The following AXDND1 variants were observed in gnomAD, a reference collection of about 807,000 sequenced individuals.
AXDND1 encodes the protein axonemal dynein light chain domain-containing protein 1.
AXDND1 carries 110 observed loss-of-function variants against 137.5 expected under a neutral mutation model. The observed-to-expected ratio is 0.80, with a 90% CI of 0.69 to 0.94. The LOEUF (loss-of-function observed/expected upper bound fraction) is 0.94. Ranked by LOEUF, AXDND1 falls within the 40% of genes least tolerant of loss-of-function variation. The pLI is 0.00. For missense variants in AXDND1, 1,191 were observed against 1,169.8 expected (o/e 1.02, Z -0.26); for synonymous variants, 414 against 399.7 (o/e 1.04, Z -0.43).
At chr1:179,420,294 A>G (rs1224735512) in intron 12 of AXDND1, among the ~76,000 whole-genome samples, 3 of 152,180 alleles carry the variant, frequency 2.0e-5, no homozygotes, top group Non-Finnish European at 4.4e-5. Context: ...GATGAATCCC[A>G]CTTGATCATG....
At chr1:179,492,819 C>G (rs752084489) in intron 19 of AXDND1, 36 bp from the exon 20 acceptor site, 1 of 1,413,258 alleles carries the variant, frequency 7.1e-7, no homozygotes, top group Non-Finnish European at 9.8e-7. Flanking sequence ...TGTGTATTTG[C>G]TCTTTTTCTT....
chr1:179,516,689 T>G (rs1033072158), intron 21 of AXDND1, among the ~76,000 whole-genome samples: 1 of 152,184 alleles, frequency 6.6e-6, no homozygotes, highest in Non-Finnish European at 1.5e-5. Flanking sequence ...TGGATGTGGC[T>G]TCCTATGAGC....
intron 24 of AXDND1, 138 bp from the exon 25 acceptor site, chr1:179,534,592 A>AT: frequency 1.8e-6 from 2 of 1,128,248 alleles, no homozygotes; most frequent in Non-Finnish European, 2.4e-6. Context: ...TCAGTTAATC[A>AT]TTGATGCTGT....
intron 21 of AXDND1, among the ~76,000 whole-genome samples, chr1:179,514,106 G>A (rs1669294192): frequency 6.6e-6 from 1 of 151,626 alleles, no homozygotes; most frequent in African/African-American, 2.4e-5. Flanking sequence ...CCTTTCTTCT[G>A]CTGGGTTTGG....
chr1:179,464,583 A>T (rs1385839619), intron 16 of AXDND1, among the ~76,000 whole-genome samples: 1 of 151,974 alleles, frequency 6.6e-6, no homozygotes, highest in African/African-American at 2.4e-5. Context: ...GAATCTGACA[A>T]TTATGTGTTT....
At chr1:179,523,038 G>A (rs1370856240) in intron 21 of AXDND1, among the ~76,000 whole-genome samples, 1 of 151,662 alleles carries the variant, frequency 6.6e-6, no homozygotes, top group Non-Finnish European at 1.5e-5. Context: ...ATCTATATGA[G>A]TAGACTCCTT....
At chr1:179,464,198 T>C (rs1662789582) in intron 16 of AXDND1, among the ~76,000 whole-genome samples, 1 of 152,268 alleles carries the variant, frequency 6.6e-6, no homozygotes, top group Admixed American at 6.5e-5. Flanking sequence ...TGATGCAGTT[T>C]CTTCCTAGCA....
chr1:179,548,473 T>G (rs918823521), intron 25 of AXDND1, among the ~76,000 whole-genome samples: 4 of 152,190 alleles, frequency 2.6e-5, no homozygotes, highest in Admixed American at 6.5e-5. Context: ...GCTATAGTGC[T>G]GTAATATCTT....
In AXDND1 at chr1:179,468,627, T is replaced by G. The variant is rs892708511; in HGVS notation, c.1983T>G (p.Asp661Glu). The G allele has an allele frequency of 6.3e-7, 1 of 1,597,128 alleles. No homozygotes were observed. Among genetic ancestry groups the G allele is most frequent in the Non-Finnish European group, 8.5e-7 (1 of 1,174,386 alleles). Residue 661 changes from aspartate to glutamate, a missense_variant, in exon 17 of 26, where the codon GAT becomes GAG. Physicochemically the swap from Asp to Glu is conservative, Grantham distance 45. Transcript: ENST00000367618. The part of the protein sequence containing the change: ...NLTGIVPQHI[D>E]VDSVSVLQAY... ...CTGGTATTGTTCCACAGCACATAGATGTGGATTCTGTTTCGTAAGTTCCCA... is the reference window on the plus strand; with the variant it reads ...CTGGTATTGTTCCACAGCACATAGAGGTGGATTCTGTTTCGTAAGTTCCCA...
chr1:179,551,620 A>C, intron 25 of AXDND1: 2 of 708,538 alleles, frequency 2.8e-6, no homozygotes, highest in Non-Finnish European at 4.7e-6. Flanking sequence ...CTGGGGAGAC[A>C]GATTAAACTG....
At chr1:179,551,585 A>G in intron 25 of AXDND1, 3 of 1,021,324 alleles carry the variant, frequency 2.9e-6, no homozygotes, top group Admixed American at 2.0e-5. Context: ...GAACATGTTT[A>G]TTCTTCTTTC....
At chr1:179,447,561 T>TATAAAATACATG in intron 16 of AXDND1, 1 of 896,852 alleles carries the variant, frequency 1.1e-6, no homozygotes, top group Non-Finnish European at 1.7e-6. Context: ...AAAATACATG[T>TATAAAATACATG]TTTAAAGAAT....
At chr1:179,448,004 C>T (rs1316790764) in intron 16 of AXDND1, 18 of 1,411,072 alleles carry the variant, frequency 1.3e-5, no homozygotes, top group Non-Finnish European at 1.8e-5. Context: ...TAGGACAAAG[C>T]ATTGGGGCTT....
intron 4 of AXDND1, among the ~76,000 whole-genome samples, chr1:179,373,668 C>T (rs1668274217): frequency 6.6e-6 from 1 of 152,116 alleles, no homozygotes. Flanking sequence ...TCCGAAATAA[C>T]ACCACACATT....
chr1:179,394,140 C>A (rs16854064), intron 10 of AXDND1, 97 bp downstream of exon 10: 123,566 of 1,238,384 alleles, frequency 0.1, 6,836 homozygotes, highest in African/African-American at 0.15. Context: ...GGTTAAAGGC[C>A]AAGGTTCTTC....
At position 179,366,404 on chromosome 1, in the gene AXDND1, G is replaced by C; in HGVS notation, c.-106G>C. ...TAAATCTTTTTTCCTCTGCCTGCAG[G>C]ACTATGTGGCAGCCTGCAAGTCCCA... On this transcript the variant is annotated splice_region_variant and 5_prime_UTR_variant, in exon 2 of 26. Coordinates refer to ENST00000367618, the MANE Select transcript of AXDND1 (RefSeq NM_144696.6). The C allele has an allele frequency of 1.3e-6, 1 of 789,410 alleles. No homozygotes were observed. The allele number at this position is 789,410 out of a possible 1,614,324, so 48.9% of individuals were successfully genotyped here.
chr1:179,475,211 C>A (rs890420637), intron 17 of AXDND1, among the ~76,000 whole-genome samples: 24 of 152,228 alleles, frequency 1.6e-4, no homozygotes, highest in African/African-American at 4.8e-4. Flanking sequence ...GTATTTGGAG[C>A]CCCCACACAG....
chr1:179,486,545 G>T (rs1666109432), intron 18 of AXDND1, among the ~76,000 whole-genome samples: 1 of 126,930 alleles, frequency 7.9e-6, no homozygotes, highest in South Asian at 2.2e-4. Context: ...CTCCAAGGTT[G>T]AAATGAAAGA....
Position 179,528,429 on chromosome 1 carries a change from T to G in AXDND1, c.2713T>G (p.Trp905Gly). ...ATTTGAAACAGATGTGTTGTCTTCC[T>G]GGGTATGTATCTGAAACCCAGCTAG... ...PLFETDVLSS[W>G]RESAKQGTLA... Residue 905 changes from tryptophan to glycine, a missense_variant and splice_region_variant, in exon 23 of 26, where the codon TGG becomes GGG. Coordinates refer to ENST00000367618, the MANE Select transcript of AXDND1 (RefSeq NM_144696.6). The G allele has an allele frequency of 6.2e-7, 1 of 1,606,172 alleles. No homozygotes were observed. The highest frequency in any genetic ancestry group is 8.5e-7 in the Non-Finnish European group (1 of 1,172,796).
Sources: allele counts gnomAD v4.1 joint callset (sites outside exome capture counted in the v4.1 genomes callset), GRCh38; gene constraint gnomAD v4.1.1; transcripts MANE v1.5; gene names NCBI Gene and HGNC (gene_info 2026-07-23, HGNC 2026-07-21).